PCDHA13: variants seen among roughly 807,000 people sequenced by gnomAD.
PCDHA13 encodes the protein protocadherin alpha-13.
A neutral mutation model predicts 64.8 loss-of-function variants in PCDHA13; 54 were observed. The ratio of observed to expected loss-of-function variants is 0.83; its 90% confidence interval spans 0.67 to 1.04. PCDHA13 has a LOEUF of 1.04. Ranked by LOEUF, PCDHA13 falls within the 50% of genes least tolerant of loss-of-function variation. The probability of loss-of-function intolerance (pLI) is 0.00; values close to 1 mark genes in which losing one functional copy is unlikely to be tolerated. For synonymous variants in PCDHA13, 587 were observed against 564.4 expected, an observed-to-expected ratio of 1.04 and a Z score of -0.57; for missense variants, 1,248 against 1,254.3, an observed-to-expected ratio of 0.99 and a Z score of 0.08.
At chr5:140,902,473 T>A (rs2069483138) in intron 1 of PCDHA13, among the ~76,000 whole-genome samples, 1 of 152,208 alleles carries the variant, frequency 6.6e-6, no homozygotes, top group African/African-American at 2.4e-5. Context: ...CTTTGAGTTT[T>A]TGCCTGCTCA....
At chr5:140,917,941 T>C (rs1415827294) in intron 1 of PCDHA13, among the ~76,000 whole-genome samples, 1 of 152,146 alleles carries the variant, frequency 6.6e-6, no homozygotes, top group Non-Finnish European at 1.5e-5. Flanking sequence ...ATAATATTGG[T>C]AGTTTGATAG....
chr5:141,000,345 C>A (rs1395527046), intron 3 of PCDHA13, among the ~76,000 whole-genome samples: 7 of 116,650 alleles, frequency 6.0e-5, no homozygotes, highest in African/African-American at 2.4e-4. Context: ...CCCTATCTCT[C>A]TCTCTGTCTC....
chr5:140,968,955 A>G, intron 1 of PCDHA13: 2 of 1,614,220 alleles, frequency 1.2e-6, no homozygotes, highest in Non-Finnish European at 1.7e-6. Flanking sequence ...AGCATCATCA[A>G]GTGCTACCGC....
chr5:140,933,211 CTG>C (rs1491057503), intron 1 of PCDHA13, among the ~76,000 whole-genome samples: 2 of 151,532 alleles, frequency 1.3e-5, no homozygotes, highest in Non-Finnish European at 3.0e-5. Context: ...AATTACATGT[CTG>C]TTATATTGCA....
In PCDHA13 at chr5:140,883,707, A is replaced by G. The variant is rs565073045; in HGVS notation, c.1439A>G (p.Gln480Arg). 6 of 1,613,636 alleles carry G rather than the reference A, an allele frequency of 3.7e-6. No individual in the cohort carries two copies. Among genetic ancestry groups the G allele is most frequent in the East Asian group, 4.5e-5 (2 of 44,860 alleles). Residue 480 changes from glutamine (Q) to arginine (R), a missense_variant, in exon 1 of 4, where the codon CAG becomes CGG. Transcript: ENST00000289272. ...TGCCACATCTTCACGGTGTCTGCTC[A>G]GGACGCGGACGCACAGGAGAACGCG... ...PGCHIFTVSA[Q>R]DADAQENALV...
chr5:140,908,399 C>T (rs180728730), intron 1 of PCDHA13, among the ~76,000 whole-genome samples: 51 of 152,258 alleles, frequency 3.3e-4, no homozygotes, highest in African/African-American at 9.9e-4. Flanking sequence ...ACATATATAC[C>T]ACTTCCATTT....
Position 140,883,664 on chromosome 5 carries a change from G to A in PCDHA13, c.1396G>A (p.Glu466Lys), listed in dbSNP as rs200846533. The A allele has an allele frequency of 6.7e-5, 108 of 1,613,836 alleles. No individual in the cohort carries two copies. Among genetic ancestry groups the A allele is most frequent in the Non-Finnish European group, 8.9e-5 (105 of 1,179,872 alleles). The change falls in exon 1 of 4, where the codon GAA becomes AAA. Residue 466 changes from glutamate (E) to lysine (K), a missense_variant. Transcript: ENST00000289272. ...GCCCGAGTACACGGTGTTCGTGAAG[G>A]AAAACAATCCGCCGGGCTGCCACAT... is the stretch of plus-strand genomic sequence containing the variant. ...AQPEYTVFVK[E>K]NNPPGCHIFT...
At position 140,928,478 on chromosome 5, in the gene PCDHA13, A is replaced by T. The variant is rs1554205922; in HGVS notation, c.2394+43816A>T. Reference sequence around the variant, plus strand: ...TTTCATTTCCAAGTAGAAGGCCGGGATGGTGGCATTCCTCCCAGAAGTGCA... The same window carrying T: ...TTTCATTTCCAAGTAGAAGGCCGGGTTGGTGGCATTCCTCCCAGAAGTGCA... On this transcript the variant is annotated intron_variant, in intron 1 of 3. Coordinates refer to ENST00000289272, the MANE Select transcript of PCDHA13 (RefSeq NM_018904.3). 2.5e-5 allele frequency: 40 copies of T among 1,614,132 alleles called. No individual in the cohort carries two copies. The highest frequency in any genetic ancestry group is 3.3e-5 in the Non-Finnish European group (39 of 1,180,008).
chr5:140,920,029 T>C (rs1584162393), intron 1 of PCDHA13, among the ~76,000 whole-genome samples: 1 of 152,118 alleles, frequency 6.6e-6, no homozygotes, highest in African/African-American at 2.4e-5. Flanking sequence ...GAGACAGAGA[T>C]TGGAGTGATG....
chr5:140,923,814 A>G (rs1554201602), intron 1 of PCDHA13, among the ~76,000 whole-genome samples: 1 of 152,250 alleles, frequency 6.6e-6, no homozygotes, highest in Non-Finnish European at 1.5e-5. Flanking sequence ...ATCTTCTGAA[A>G]ATAGACGTCA....
At chr5:140,921,695 A>G (rs1190217757) in intron 1 of PCDHA13, among the ~76,000 whole-genome samples, 1 of 152,216 alleles carries the variant, frequency 6.6e-6, no homozygotes, top group Admixed American at 6.5e-5. Context: ...GGCCACCTCA[A>G]TTTTAAACAG....
chr5:140,947,738 T>C (rs2153680991), intron 1 of PCDHA13, among the ~76,000 whole-genome samples: 1 of 151,740 alleles, frequency 6.6e-6, no homozygotes, highest in South Asian at 2.1e-4. Context: ...GTAATACCTA[T>C]TCTTATGTAT....
At position 141,010,397 on chromosome 5, in the gene PCDHA13, A is replaced by C; in HGVS notation, c.*460A>C. On this transcript the variant is annotated 3_prime_UTR_variant, in exon 4 of 4. Coordinates refer to ENST00000289272, the MANE Select transcript of PCDHA13 (RefSeq NM_018904.3). ...TGCCAGATATTGGCTGAGACGAGCC[A>C]GCTTAGACTAATTGGTACAAGGAAG... 7.5e-7 allele frequency: 1 copy of C among 1,329,462 alleles called. No individual in the cohort carries two copies. The highest frequency in any genetic ancestry group is 1.0e-6 in the Non-Finnish European group (1 of 994,158). The allele number at this position is 1,329,462 out of a possible 1,614,324, so 82.4% of individuals were successfully genotyped here.
intron 3 of PCDHA13, among the ~76,000 whole-genome samples, chr5:141,004,794 G>A (rs1272334301): frequency 6.6e-6 from 1 of 152,144 alleles, no homozygotes; most frequent in Non-Finnish European, 1.5e-5. Context: ...GGCAGATTCT[G>A]GCTGAGCTCA....
intron 1 of PCDHA13, chr5:140,969,176 G>T (rs1554231542): frequency 6.2e-7 from 1 of 1,614,102 alleles, no homozygotes; most frequent in African/African-American, 1.3e-5. Context: ...CTCAGGGAGT[G>T]ACACTTTCAT....
At chr5:140,898,497 T>G (rs1473036595) in intron 1 of PCDHA13, among the ~76,000 whole-genome samples, 2 of 152,216 alleles carry the variant, frequency 1.3e-5, no homozygotes, top group African/African-American at 4.8e-5. Flanking sequence ...ATCAGATAGT[T>G]GTAGATATGC....
chr5:140,951,365 A>G (rs987513388), intron 1 of PCDHA13, among the ~76,000 whole-genome samples: 17 of 152,160 alleles, frequency 1.1e-4, no homozygotes, highest in African/African-American at 4.1e-4. Context: ...ACTGTTATAA[A>G]GAAACACCCA....
chr5:140,955,156 G>A (rs556311036), intron 1 of PCDHA13, among the ~76,000 whole-genome samples: 25 of 152,262 alleles, frequency 1.6e-4, no homozygotes, highest in East Asian at 3.9e-4. Context: ...TACCAGTACC[G>A]TGCTGTTTTG....
intron 1 of PCDHA13, among the ~76,000 whole-genome samples, chr5:140,976,253 T>G (rs1554237440): frequency 6.6e-6 from 1 of 152,124 alleles, no homozygotes; most frequent in Non-Finnish European, 1.5e-5. Context: ...TAAATTTATT[T>G]AAAACACAGA....
Sources: allele counts gnomAD v4.1 joint callset (sites outside exome capture counted in the v4.1 genomes callset), GRCh38; gene constraint gnomAD v4.1.1; transcripts MANE v1.5; gene names NCBI Gene and HGNC (gene_info 2026-07-23, HGNC 2026-07-21).